UBE2W: variants seen among roughly 807,000 people sequenced by gnomAD.
UBE2W encodes the protein ubiquitin-conjugating enzyme E2 W.
Under a neutral mutation model 27.2 loss-of-function variants are expected in UBE2W, and 18 were observed. That is an observed-to-expected ratio of 0.66 (90% CI 0.46 to 0.98). The LOEUF is 0.98. UBE2W is among the 50% of genes least tolerant of loss of function. The pLI is 0.00. For synonymous variants in UBE2W, 53 were observed against 57.2 expected, an observed-to-expected ratio of 0.93 and a Z score of 0.33; for missense variants, 90 against 180.2, an observed-to-expected ratio of 0.50 and a Z score of 2.87.
downstream of UBE2W, among the ~76,000 whole-genome samples, chr8:73,781,682 C>T (rs1240528092): frequency 1.3e-5 from 2 of 148,572 alleles, no homozygotes; most frequent in African/African-American, 4.9e-5. Flanking sequence ...AGGAGTGCAG[C>T]GATCTTCTTA....
At chr8:73,827,446 T>G (rs1809892515) in intron 2 of UBE2W, among the ~76,000 whole-genome samples, 1 of 152,106 alleles carries the variant, frequency 6.6e-6, no homozygotes, top group African/African-American at 2.4e-5. Context: ...ACTCCCGAAC[T>G]CGGGTGATCT....
intron 1 of UBE2W, among the ~76,000 whole-genome samples, chr8:73,875,683 C>T (rs1317595497): frequency 2.0e-5 from 3 of 152,130 alleles, no homozygotes; most frequent in Admixed American, 6.5e-5. Flanking sequence ...TTTTCCTAAT[C>T]GAAATCCCCA....
In UBE2W at chr8:73,790,280, A is replaced by C. The variant is rs1180158072; in HGVS notation, c.*3822T>G. ...GGGAAGAGGCAGAAAAATAGGAAGA[A>C]AAATAAAGGACAGATTTAAAACAAT... On this transcript the variant is annotated 3_prime_UTR_variant, in exon 6 of 6. Transcript: ENST00000602593. The C allele has an allele frequency of 3.3e-5, 33 of 985,306 alleles. No homozygotes were observed. Among genetic ancestry groups the C allele is most frequent in the Non-Finnish European group, 4.0e-5 (33 of 829,942 alleles). 61.0% of individuals were successfully genotyped at this position (985,306 alleles called of 1,614,324 possible).
At chr8:73,870,390 CAG>C in intron 1 of UBE2W, 1 of 1,060,226 alleles carries the variant, frequency 9.4e-7, no homozygotes, top group Non-Finnish European at 1.3e-6. Context: ...GACTAGAAAT[CAG>C]AAAAAAAAAA....
chr8:73,796,024 G>A (rs1460863561), intron 5 of UBE2W: 3 of 130,400 alleles, frequency 2.3e-5, no homozygotes, highest in East Asian at 5.0e-4. Context: ...AGAGGTTGAG[G>A]CTGCAGTGAG....
At chr8:73,849,568 G>C (rs749754112) in intron 1 of UBE2W, among the ~76,000 whole-genome samples, 1 of 143,484 alleles carries the variant, frequency 7.0e-6, no homozygotes, top group Non-Finnish European at 1.5e-5. Context: ...AACTAGTAGA[G>C]GTATGAAAAA....
intron 3 of UBE2W, among the ~76,000 whole-genome samples, chr8:73,815,916 T>A (rs181267356): frequency 3.7e-4 from 57 of 152,330 alleles, no homozygotes; most frequent in Admixed American, 9.8e-4. Flanking sequence ...TGTAACTACA[T>A]AAACTGAACA....
downstream of UBE2W, among the ~76,000 whole-genome samples, chr8:73,783,056 A>C (rs796283257): frequency 1.5e-4 from 23 of 152,310 alleles, no homozygotes; most frequent in African/African-American, 5.5e-4. Flanking sequence ...TGCCATTCCT[A>C]TATTCTCTTT....
intron 5 of UBE2W, among the ~76,000 whole-genome samples, 179 bp downstream of exon 5, chr8:73,805,472 C>CAACAACAAAA (rs1554579997): frequency 2.3e-5 from 1 of 43,676 alleles, no homozygotes; most frequent in Non-Finnish European, 5.0e-5. Flanking sequence ...AAAAAAAAAA[C>CAACAACAAAA]AAAAAAAACT....
chr8:73,842,739 G>A (rs541726800), intron 1 of UBE2W, among the ~76,000 whole-genome samples: 7 of 152,168 alleles, frequency 4.6e-5, no homozygotes, highest in Non-Finnish European at 8.8e-5. Flanking sequence ...ACTTGGAAAT[G>A]GCAGTGGAGA....
At chr8:73,800,126 T>G (rs941120934) in intron 5 of UBE2W, among the ~76,000 whole-genome samples, 2 of 152,164 alleles carry the variant, frequency 1.3e-5, no homozygotes, top group African/African-American at 4.8e-5. Flanking sequence ...GAAGACAGTA[T>G]GTGCTACACA....
intron 5 of UBE2W, among the ~76,000 whole-genome samples, 179 bp downstream of exon 5, chr8:73,805,472 C>CAAAAAAAAAAAAAAAAACAAAAACAAA: frequency 2.3e-5 from 1 of 43,676 alleles, no homozygotes; most frequent in African/African-American, 6.0e-5. Flanking sequence ...AAAAAAAAAA[C>CAAAAAAAAAAAAAAAAACAAAAACAAA]AAAAAAAACT....
chr8:73,851,632 T>G (rs1429126883), intron 1 of UBE2W, among the ~76,000 whole-genome samples: 1 of 152,140 alleles, frequency 6.6e-6, no homozygotes, highest in Non-Finnish European at 1.5e-5. Context: ...ATGTGGCATA[T>G]GTACTGGAGA....
intron 3 of UBE2W, among the ~76,000 whole-genome samples, chr8:73,819,174 TTCCCAGTGACTCTA>T (rs1480594254): frequency 1.3e-5 from 2 of 152,208 alleles, no homozygotes; most frequent in Non-Finnish European, 2.9e-5. Flanking sequence ...AGTGAAATCT[TTCCCAGTGACTCTA>T]TCCAATATTT....
In UBE2W at chr8:73,831,239, A is replaced by G. The variant is rs117400062; in HGVS notation, c.16-767T>C. The G allele has an allele frequency of 9.1e-4, 300 of 329,762 alleles. 3 individuals are homozygous for G. In the East Asian group the frequency reaches 0.02, roughly 22 times the overall value. The allele number at this position is 329,762 out of a possible 1,614,324, so 20.4% of individuals were successfully genotyped here. A position where few individuals can be genotyped will look rare whatever the true frequency, so the allele number is the denominator to read the frequency against. ...AAGACCTAGAAGGCATGAAAAGATTAAGGAAATTTTTTAAAAAGATATTCA... is the reference window on the plus strand; with the variant it reads ...AAGACCTAGAAGGCATGAAAAGATTGAGGAAATTTTTTAAAAAGATATTCA... On this transcript the variant is annotated intron_variant, in intron 1 of 5. Transcript: ENST00000602593.
At position 73,878,805 on chromosome 8, in the gene UBE2W, C is replaced by A; in HGVS notation, c.15+3G>T. 1 of 1,550,626 alleles carries A rather than the reference C, an allele frequency of 6.4e-7. No individual in the cohort carries two copies. The highest frequency in any genetic ancestry group is 2.0e-5 in the Admixed American group (1 of 51,076). On this transcript the variant is annotated splice_donor_region_variant and intron_variant, in intron 1 of 5. Coordinates refer to ENST00000602593, the MANE Select transcript of UBE2W (RefSeq NM_018299.6). ...CCGCCCAGATGCAGCAAACTCCTCT[C>A]ACCTGCATTGACGCCATGATGGAAC... is the stretch of plus-strand genomic sequence containing the variant.
intron 3 of UBE2W, among the ~76,000 whole-genome samples, chr8:73,811,939 ATAAGC>A (rs1809168872): frequency 6.9e-6 from 1 of 145,542 alleles, no homozygotes; most frequent in Non-Finnish European, 1.5e-5. Context: ...GGAAATTACC[ATAAGC>A]TAAGTTTTAT....
rs1808165684 is a variant in UBE2W at position 73,790,965 on chromosome 8, A to G, written c.*3137T>C. The G allele has an allele frequency of 1.0e-6, 1 of 980,400 alleles. No individual in the cohort carries two copies. The highest frequency in any genetic ancestry group is 6.2e-5 in the Admixed American group (1 of 16,240). The allele number at this position is 980,400 out of a possible 1,614,324, so 60.7% of individuals were successfully genotyped here. A position where few individuals can be genotyped will look rare whatever the true frequency, so the allele number is the denominator to read the frequency against. Reference sequence around the variant, plus strand: ...AAATTTCATGAGGGAAAAGGTAATAAACTATTCTAGTTATTTTATACCAAA... The same window carrying G: ...AAATTTCATGAGGGAAAAGGTAATAGACTATTCTAGTTATTTTATACCAAA... On this transcript the variant is annotated 3_prime_UTR_variant, in exon 6 of 6. Transcript: ENST00000602593.
intron 1 of UBE2W, among the ~76,000 whole-genome samples, chr8:73,852,425 T>C (rs1811119299): frequency 6.6e-6 from 1 of 152,214 alleles, no homozygotes; most frequent in African/African-American, 2.4e-5. Flanking sequence ...AAATATTTGT[T>C]TTCTGAAAAC....
Sources: gnomAD v4.1 joint callset for allele counts (sites outside exome capture counted in the v4.1 genomes callset) on GRCh38, gnomAD v4.1.1 for gene constraint, MANE v1.5 for transcripts, NCBI Gene and HGNC (gene_info 2026-07-23, HGNC 2026-07-21) for gene names.